The following LRP1B variants were observed in gnomAD, a reference collection of about 807,000 sequenced individuals.
The protein encoded by LRP1B is LDL receptor related protein 1B.
Under a neutral mutation model 556.6 loss-of-function variants are expected in LRP1B, and 217 were observed. That is an observed-to-expected ratio of 0.39 (90% CI 0.35 to 0.44). The LOEUF is 0.44. Ranked by LOEUF, LRP1B falls within the 20% of genes least tolerant of loss-of-function variation. The pLI, the probability that LRP1B is intolerant of heterozygous loss-of-function variation, is 1.00. For synonymous variants in LRP1B, 2,047 were observed against 1,865.8 expected, an observed-to-expected ratio of 1.10 and a Z score of -2.50; for missense variants, 5,053 against 5,620.8, an observed-to-expected ratio of 0.90 and a Z score of 3.23.
chr2:141,189,431 A>G (rs182459253), intron 6 of LRP1B, among the ~76,000 whole-genome samples: 69 of 152,148 alleles, frequency 4.5e-4, no homozygotes, highest in African/African-American at 1.6e-3. Flanking sequence ...ATGTATAGCC[A>G]ATCAATAACT....
At chr2:141,997,008 C>T (rs942387808) in intron 1 of LRP1B, among the ~76,000 whole-genome samples, 1 of 152,178 alleles carries the variant, frequency 6.6e-6, no homozygotes, top group Non-Finnish European at 1.5e-5. Flanking sequence ...GACAGTGATG[C>T]CCAGAGCATC....
At chr2:140,849,723 G>C (rs35275182) in intron 29 of LRP1B, among the ~76,000 whole-genome samples, 5 of 151,948 alleles carry the variant, frequency 3.3e-5, no homozygotes, top group Non-Finnish European at 7.4e-5. Flanking sequence ...ATTTTTAGTA[G>C]AGACAGGGTT....
At chr2:141,746,962 A>T (rs938006452) in intron 2 of LRP1B, among the ~76,000 whole-genome samples, 1 of 143,024 alleles carries the variant, frequency 7.0e-6, no homozygotes. Flanking sequence ...AAGCATCGAA[A>T]ATAATTTTGA....
At chr2:140,456,130 T>C (rs1429259453) in intron 62 of LRP1B, among the ~76,000 whole-genome samples, 1 of 152,224 alleles carries the variant, frequency 6.6e-6, no homozygotes, top group Non-Finnish European at 1.5e-5. Context: ...GACAGTGACA[T>C]GGAGCAGATT....
At chr2:142,083,788 A>C (rs984446342) in intron 1 of LRP1B, among the ~76,000 whole-genome samples, 1 of 152,196 alleles carries the variant, frequency 6.6e-6, no homozygotes, top group African/African-American at 2.4e-5. Context: ...ATCTTTATCA[A>C]ATATCATGAC....
chr2:141,092,182 A>G (rs1054936345), intron 7 of LRP1B, among the ~76,000 whole-genome samples: 10 of 152,206 alleles, frequency 6.6e-5, no homozygotes, highest in African/African-American at 1.9e-4. Flanking sequence ...AAACCAGTTG[A>G]CAATAGTAAG....
At chr2:141,757,275 C>T (rs767642447) in intron 2 of LRP1B, among the ~76,000 whole-genome samples, 7 of 152,098 alleles carry the variant, frequency 4.6e-5, no homozygotes, top group Non-Finnish European at 8.8e-5. Flanking sequence ...TAATTTGATG[C>T]CACATTTCAC....
chr2:141,743,958 T>A (rs111540404), intron 2 of LRP1B, among the ~76,000 whole-genome samples: 2 of 151,510 alleles, frequency 1.3e-5, no homozygotes, highest in Non-Finnish European at 2.9e-5. Context: ...CAACTTTTTG[T>A]TTGATTCTTT....
intron 2 of LRP1B, among the ~76,000 whole-genome samples, chr2:141,514,278 A>G (rs1684231317): frequency 6.6e-6 from 1 of 152,114 alleles, no homozygotes; most frequent in Admixed American, 6.5e-5. Context: ...AAATCTGGTT[A>G]TGTAATGCCC....
intron 7 of LRP1B, among the ~76,000 whole-genome samples, chr2:141,118,954 A>T (rs553492604): frequency 2.0e-5 from 3 of 151,870 alleles, no homozygotes; most frequent in African/African-American, 7.2e-5. Flanking sequence ...AGATATAGTT[A>T]AAACAAAGAA....
In LRP1B at chr2:140,323,970, C is replaced by A. The variant is rs1291313629; in HGVS notation, c.12437G>T (p.Gly4146Val). 2 of 1,605,940 alleles carry A rather than the reference C, an allele frequency of 1.2e-6. No individual in the cohort carries two copies. Among genetic ancestry groups the A allele is most frequent in the Non-Finnish European group, 8.5e-7 (1 of 1,173,194 alleles). The change falls in exon 81 of 91, where the codon GGT (glycine) becomes GTT (valine). Residue 4146 changes from glycine (G) to valine (V), a missense_variant. By Grantham distance (109) the Gly-to-Val change is moderately radical. Around this residue, in one of 5 missense-constraint regions of LRP1B, gnomAD observed 551 missense variants for 592.0 expected, o/e 0.93. Coordinates refer to ENST00000389484, the MANE Select transcript of LRP1B (RefSeq NM_018557.3). ...ATTTAAAGCTAAGTACTCTACTGAA[C>A]CATGGCCAAATTTTTGAACTCGAAA... ...GVFRVQKFGH[G>V]SVEYLALNID...
Position 140,525,890 on chromosome 2 carries a change from G to A in LRP1B, c.7980C>T (p.Asp2660=), listed in dbSNP as rs752493104. The A allele has an allele frequency of 2.3e-5, 37 of 1,612,196 alleles. No individual in the cohort carries two copies. The highest frequency in any genetic ancestry group is 7.7e-5 in the South Asian group (7 of 91,040). Residue 2660 remains aspartate, a synonymous_variant, in exon 49 of 91, where the codon GAC becomes GAT. Coordinates refer to ENST00000389484, the MANE Select transcript of LRP1B (RefSeq NM_018557.3). ...AATAGTCTCCACAGTCATTAGACCC[G>A]TCGCATATCCAGGTTGGCAGAACAC... The part of the protein sequence containing the change: ...SLCVLPTWIC[D]GSNDCGDYSD...
At chr2:141,067,398 T>A (rs920341956) in intron 7 of LRP1B, among the ~76,000 whole-genome samples, 2 of 152,038 alleles carry the variant, frequency 1.3e-5, no homozygotes, top group African/African-American at 4.8e-5. Context: ...GATCTTTACT[T>A]GTTTGGGGAT....
chr2:140,902,078 T>G (rs1244128096), intron 23 of LRP1B, among the ~76,000 whole-genome samples: 1 of 152,198 alleles, frequency 6.6e-6, no homozygotes, highest in South Asian at 2.1e-4. Flanking sequence ...TTTGGTGGTC[T>G]GTGCCATACA....
chr2:141,407,203 G>A (rs954098805), intron 3 of LRP1B, among the ~76,000 whole-genome samples: 1 of 152,072 alleles, frequency 6.6e-6, no homozygotes. Flanking sequence ...AGATTGAAAT[G>A]CTCCCCATTA....
intron 37 of LRP1B, among the ~76,000 whole-genome samples, chr2:140,703,698 CT>C (rs1302106615): frequency 1.3e-5 from 2 of 152,104 alleles, no homozygotes; most frequent in African/African-American, 4.8e-5. Context: ...TCCACAGTGT[CT>C]CTTGTTCCCA....
chr2:140,885,365 T>C (rs916654974), intron 24 of LRP1B, among the ~76,000 whole-genome samples: 7 of 151,978 alleles, frequency 4.6e-5, no homozygotes, highest in Non-Finnish European at 1.0e-4. Flanking sequence ...CCTTTTTTTT[T>C]TTTTTTGAGA....
intron 7 of LRP1B, among the ~76,000 whole-genome samples, chr2:141,154,966 C>A (rs888862237): frequency 6.6e-6 from 1 of 151,822 alleles, no homozygotes; most frequent in African/African-American, 2.4e-5. Flanking sequence ...AATAATATTC[C>A]TATCCTATTA....
At chr2:141,865,325 G>GC (rs1236633505) in intron 1 of LRP1B, among the ~76,000 whole-genome samples, 14 of 152,056 alleles carry the variant, frequency 9.2e-5, no homozygotes, top group African/African-American at 3.4e-4. Context: ...GGGCGCGGTG[G>GC]CTCACGCCTG....
Sources: gnomAD v4.1 joint callset for allele counts (sites outside exome capture counted in the v4.1 genomes callset) on GRCh38, gnomAD v4.1.1 for gene constraint, gnomAD v4.1.1 regional missense constraint, MANE v1.5 for transcripts, NCBI Gene and HGNC (gene_info 2026-07-23, HGNC 2026-07-21) for gene names.